PIK3R5: variants seen among roughly 807,000 people sequenced by gnomAD.
The protein encoded by PIK3R5 is phosphoinositide 3-kinase regulatory subunit 5.
Under a neutral mutation model 94.9 loss-of-function variants are expected in PIK3R5, and 32 were observed. The observed-to-expected ratio is 0.34, with a 90% CI of 0.25 to 0.45. The LOEUF is 0.45. Ranked by LOEUF, PIK3R5 falls within the 20% of genes least tolerant of loss-of-function variation. PIK3R5 has a pLI of 1.00. For synonymous variants in PIK3R5, 443 were observed against 479.4 expected, an observed-to-expected ratio of 0.92 and a Z score of 0.99; for missense variants, 853 against 1,144.6, an observed-to-expected ratio of 0.75 and a Z score of 3.68.
intron 1 of PIK3R5, among the ~76,000 whole-genome samples, chr17:8,954,739 C>G (rs1015333563): frequency 7.2e-5 from 11 of 152,038 alleles, no homozygotes; most frequent in Non-Finnish European, 1.5e-4. Flanking sequence ...AGTTCAAGAC[C>G]AGCCTGGCCA....
Position 8,913,270 on chromosome 17 carries a change from CCA to C in PIK3R5, c.-13-1765_-13-1764del, listed in dbSNP as rs566364912. 1.2e-3 allele frequency among the ~76,000 whole-genome samples: 187 copies of C among 152,288 alleles called. 1 individual carries two copies. Among genetic ancestry groups the C allele is most frequent in the East Asian group, 6.2e-3 (32 of 5,170 alleles). Reference sequence around the variant, plus strand: ...TTGGAGAAAGGGGAGCCAGCCCATGCCACAGTCTGGGTGCAGGAATTAGCTTG... The same window carrying C: ...TTGGAGAAAGGGGAGCCAGCCCATGCCAGTCTGGGTGCAGGAATTAGCTTG... On this transcript the variant is annotated intron_variant, in intron 1 of 18. Transcript: ENST00000447110.
At chr17:8,948,228 C>T (rs1327755444) in intron 1 of PIK3R5, among the ~76,000 whole-genome samples, 3 of 152,064 alleles carry the variant, frequency 2.0e-5, no homozygotes, top group African/African-American at 7.2e-5. Context: ...TCCATCTTTT[C>T]CTCCACTTAT....
At chr17:8,952,765 T>C (rs946356540) in intron 1 of PIK3R5, among the ~76,000 whole-genome samples, 13 of 152,306 alleles carry the variant, frequency 8.5e-5, no homozygotes, top group Middle Eastern at 3.4e-3. Context: ...TTCACCTCCA[T>C]CTACTGAGCA....
intron 5 of PIK3R5, among the ~76,000 whole-genome samples, chr17:8,897,415 G>A (rs1010772717): frequency 6.6e-6 from 1 of 152,202 alleles, no homozygotes; most frequent in African/African-American, 2.4e-5. Context: ...ATGCTGCTCT[G>A]AACAGGTGCA....
At chr17:8,897,196 G>A (rs2090170508) in intron 5 of PIK3R5, among the ~76,000 whole-genome samples, 1 of 152,214 alleles carries the variant, frequency 6.6e-6, no homozygotes, top group Admixed American at 6.5e-5. Context: ...CGGATTTCAG[G>A]TGAATAAACA....
At chr17:8,900,937 T>G (rs1414520221) in intron 5 of PIK3R5, among the ~76,000 whole-genome samples, 1 of 152,104 alleles carries the variant, frequency 6.6e-6, no homozygotes, top group Non-Finnish European at 1.5e-5. Flanking sequence ...TCTCTTATCC[T>G]TTTCAAAATA....
rs181866013 is a variant in PIK3R5, at chr17:8,897,101, C to G, written c.413-3446G>C. 5.1e-4 allele frequency among the ~76,000 whole-genome samples: 77 copies of G among 152,336 alleles called. No homozygotes were observed. The East Asian group carries it at 7.7e-3, about 15-fold the overall frequency. On this transcript the variant is annotated intron_variant, in intron 5 of 18. Transcript: ENST00000447110. ...ATAGCGCCTTCCTGCTCCCCATCCC[C>G]AGGGTCCTGGACTCCAGAGAGGCTG... is the stretch of plus-strand genomic sequence containing the variant.
chr17:8,946,744 C>G (rs1360616571), intron 1 of PIK3R5, among the ~76,000 whole-genome samples: 1 of 152,124 alleles, frequency 6.6e-6, no homozygotes. Context: ...CCACTCCTGC[C>G]TCTCCTGCCT....
In PIK3R5 at chr17:8,880,550, A is replaced by C; in HGVS notation, c.*89T>G. 3.0e-6 allele frequency: 4 copies of C among 1,326,354 alleles called. No individual in the cohort carries two copies. The highest frequency in any genetic ancestry group is 4.0e-6 in the Non-Finnish European group (4 of 988,654). 82.2% of individuals were successfully genotyped at this position (1,326,354 alleles called of 1,614,324 possible). A position where few individuals can be genotyped will look rare whatever the true frequency, so the allele number is the denominator to read the frequency against. On this transcript the variant is annotated 3_prime_UTR_variant, in exon 19 of 19. Coordinates refer to ENST00000447110, the MANE Select transcript of PIK3R5 (RefSeq NM_001142633.3). ...TGGGACTATGGCTCTGCACAGGGCC[A>C]TTCAGTTCTCCACAGAGAGGGACTG...
intron 1 of PIK3R5, among the ~76,000 whole-genome samples, chr17:8,922,066 C>T (rs1406201331): frequency 1.3e-5 from 2 of 151,060 alleles, no homozygotes. Flanking sequence ...TCCTGTATAA[C>T]TCAACAACAA....
At position 8,920,775 on chromosome 17, in the gene PIK3R5, C is replaced by T. The variant is rs188489473; in HGVS notation, c.-13-9268G>A. On this transcript the variant is annotated intron_variant, in intron 1 of 18. Coordinates refer to ENST00000447110, the MANE Select transcript of PIK3R5 (RefSeq NM_001142633.3). The stretch of plus-strand genomic sequence containing the variant: ...TCTGTAATTTTAGCCCTTCTTTTAA[C>T]GTAACTTGTTTTCTTTTAAAATACA... Among the ~76,000 whole-genome samples the T allele has an allele frequency of 2.0e-4, 31 of 151,614 alleles. No individual in the cohort carries two copies. In the East Asian group the frequency reaches 2.9e-3, roughly 14 times the overall value.
chr17:8,880,758 C>G lies in PIK3R5; in HGVS notation c.2524G>C (p.Glu842Gln). 6.2e-7 allele frequency: 1 copy of G among 1,613,846 alleles called. No homozygotes were observed. Among genetic ancestry groups the G allele is most frequent in the Non-Finnish European group, 8.5e-7 (1 of 1,179,830 alleles). Residue 842 changes from glutamate to glutamine, a missense_variant, in exon 19 of 19, where the codon GAG becomes CAG. This residue lies in a region of PIK3R5 where 91 missense variants were observed against 90.5 expected (regional missense o/e 1.01). Coordinates refer to ENST00000447110, the MANE Select transcript of PIK3R5 (RefSeq NM_001142633.3). The part of the protein sequence containing the change: ...RCEVSPCYKP[E>Q]KSDLSSPPQT... ...GGTGGTGAGGAGAGGTCGCTCTTCTCTGGCTTGTAGCACGGTGAGACCTCA... is the reference window on the plus strand; with the variant it reads ...GGTGGTGAGGAGAGGTCGCTCTTCTGTGGCTTGTAGCACGGTGAGACCTCA...
At chr17:8,933,095 T>C in intron 1 of PIK3R5, among the ~76,000 whole-genome samples, 1 of 152,090 alleles carries the variant, frequency 6.6e-6, no homozygotes, top group East Asian at 1.9e-4. Flanking sequence ...TTATAGTGCT[T>C]AAAGAAAAAC....
chr17:8,894,803 G>A (rs1253590705), intron 5 of PIK3R5, among the ~76,000 whole-genome samples: 1 of 150,960 alleles, frequency 6.6e-6, no homozygotes, highest in Non-Finnish European at 1.5e-5. Flanking sequence ...TCCCCATCGA[G>A]AGCAGGGCCA....
intron 15 of PIK3R5, among the ~76,000 whole-genome samples, chr17:8,883,791 G>A (rs1193837250): frequency 1.3e-5 from 2 of 152,112 alleles, no homozygotes; most frequent in Non-Finnish European, 2.9e-5. Flanking sequence ...CACTCCAGGG[G>A]GCCAGCAGGT....
At chr17:8,956,493 A>G (rs1211559252) in intron 1 of PIK3R5, among the ~76,000 whole-genome samples, 1 of 152,238 alleles carries the variant, frequency 6.6e-6, no homozygotes, top group Non-Finnish European at 1.5e-5. Flanking sequence ...TCAGAATCAT[A>G]GAGTCCAGTT....
At chr17:8,903,196 G>T (rs1447181258) in intron 5 of PIK3R5, among the ~76,000 whole-genome samples, 1 of 151,986 alleles carries the variant, frequency 6.6e-6, no homozygotes, top group African/African-American at 2.4e-5. Context: ...CAATTATCCT[G>T]ATATCATCTA....
chr17:8,902,151 T>C (rs970756909), intron 5 of PIK3R5, among the ~76,000 whole-genome samples: 5 of 151,904 alleles, frequency 3.3e-5, no homozygotes, highest in African/African-American at 1.2e-4. Flanking sequence ...GGGTTCTTTT[T>C]GATGTACTTG....
At position 8,888,405 on chromosome 17, in the gene PIK3R5, C is replaced by T. The variant is rs1391409112; in HGVS notation, c.1382G>A (p.Ser461Asn). ...GGGTGATACTGGTTCGTCCAGGGGG[C>T]TGCAGAGGCTCCCTGCCCGCCTCAG... Reference protein sequence around the residue: ...LPLRRAGSLCSPLDEPVSPPS... With the variant: ...LPLRRAGSLCNPLDEPVSPPS... Residue 461 changes from serine (S) to asparagine (N), a missense_variant, in exon 10 of 19, where the codon AGC becomes AAC. Transcript: ENST00000447110. This position sits in a 1 kb window ranked among gnomAD's most constrained non-coding sequence, Gnocchi z 7.8. 1.3e-5 allele frequency: 20 copies of T among 1,584,482 alleles called. No homozygotes were observed. The highest frequency in any genetic ancestry group is 1.7e-5 in the Non-Finnish European group (20 of 1,169,000).
Sources: gnomAD v4.1 joint callset for allele counts (sites outside exome capture counted in the v4.1 genomes callset) on GRCh38, gnomAD v4.1.1 for gene constraint, gnomAD v4.1.1 regional missense constraint, Gnocchi (gnomAD v3.1) non-coding constraint, MANE v1.5 for transcripts, NCBI Gene and HGNC (gene_info 2026-07-23, HGNC 2026-07-21) for gene names.